RNGTT: variants seen among roughly 807,000 people sequenced by gnomAD.
RNGTT encodes mRNA-capping enzyme.
In RNGTT, 33 loss-of-function variants were observed where a neutral mutation model predicts 79.3. The ratio of observed to expected loss-of-function variants is 0.42; its 90% CI spans 0.32 to 0.56. The LOEUF (loss-of-function observed/expected upper bound fraction) is 0.56. Among genes scored for constraint, RNGTT ranks in the 20% least tolerant of loss-of-function variants. The probability of loss-of-function intolerance (pLI) is 0.17; values close to 1 mark genes in which losing one functional copy is unlikely to be tolerated. For synonymous variants in RNGTT, 222 were observed against 235.9 expected (o/e 0.94, Z 0.54); for missense variants, 497 against 739.1 (o/e 0.67, Z 3.80).
At chr6:88,724,093 T>C (rs1776802958) in intron 13 of RNGTT, among the ~76,000 whole-genome samples, 1 of 152,206 alleles carries the variant, frequency 6.6e-6, no homozygotes, top group African/African-American at 2.4e-5. Context: ...CCTAAAAGTT[T>C]GTAAAGTAAA....
chr6:88,686,995 CA>C (rs1477838614), intron 13 of RNGTT, among the ~76,000 whole-genome samples: 1 of 151,030 alleles, frequency 6.6e-6, no homozygotes, highest in East Asian at 1.9e-4. Context: ...AATGGCATGG[CA>C]AAAAAACACC....
chr6:88,960,254 A>G (rs992644167), intron 1 of RNGTT, among the ~76,000 whole-genome samples: 3 of 152,250 alleles, frequency 2.0e-5, no homozygotes, highest in African/African-American at 4.8e-5. Context: ...AGACATTTAA[A>G]TATTTGCTAA....
intron 11 of RNGTT, among the ~76,000 whole-genome samples, chr6:88,807,248 T>A (rs1025323447): frequency 6.6e-6 from 1 of 152,106 alleles, no homozygotes; most frequent in African/African-American, 2.4e-5. Context: ...ACTTAAAAGT[T>A]GATAAAACAA....
At chr6:88,882,829 A>G (rs559588138) in intron 8 of RNGTT, among the ~76,000 whole-genome samples, 1 of 152,288 alleles carries the variant, frequency 6.6e-6, no homozygotes, top group East Asian at 1.9e-4. Flanking sequence ...ATCATTTTGG[A>G]AACAAAGAGC....
chr6:88,671,768 T>C (rs2127786827), intron 14 of RNGTT, among the ~76,000 whole-genome samples: 1 of 152,222 alleles, frequency 6.6e-6, no homozygotes, highest in African/African-American at 2.4e-5. Flanking sequence ...GGTAGACCAA[T>C]GGAACAGAAC....
intron 14 of RNGTT, among the ~76,000 whole-genome samples, chr6:88,637,893 A>G (rs1416708032): frequency 1.3e-5 from 2 of 152,140 alleles, no homozygotes; most frequent in African/African-American, 4.8e-5. Context: ...AAGTAATTCT[A>G]AGAAGTGCAT....
chr6:88,792,157 T>C (rs1301530614), intron 12 of RNGTT, among the ~76,000 whole-genome samples: 2 of 152,190 alleles, frequency 1.3e-5, no homozygotes, highest in Non-Finnish European at 1.5e-5. Flanking sequence ...TTTCTCCTTA[T>C]AATCTGAAAG....
At chr6:88,944,637 T>A (rs1409396941) in intron 1 of RNGTT, among the ~76,000 whole-genome samples, 1 of 151,832 alleles carries the variant, frequency 6.6e-6, no homozygotes, top group African/African-American at 2.4e-5. Context: ...CTCTCCCTTA[T>A]CCCCCAACTT....
At chr6:88,850,610 A>AC (rs1781640462) in intron 9 of RNGTT, among the ~76,000 whole-genome samples, 1 of 151,304 alleles carries the variant, frequency 6.6e-6, no homozygotes, top group Admixed American at 6.6e-5. Context: ...TACAAAAAAA[A>AC]CACACTGATT....
At chr6:88,632,013 T>A (rs6926439) in intron 14 of RNGTT, among the ~76,000 whole-genome samples, 1 of 151,886 alleles carries the variant, frequency 6.6e-6, no homozygotes, top group Admixed American at 6.6e-5. Context: ...CAAGCTAGAG[T>A]GGTGTGGGAC....
At chr6:88,619,285 C>T (rs1292422464) in intron 14 of RNGTT, among the ~76,000 whole-genome samples, 5 of 152,246 alleles carry the variant, frequency 3.3e-5, no homozygotes, top group African/African-American at 1.2e-4. Flanking sequence ...CCCGCCTCAG[C>T]CTCCCAAGCA....
At chr6:88,948,502 C>T (rs111483360) in intron 1 of RNGTT, among the ~76,000 whole-genome samples, 1 of 145,744 alleles carries the variant, frequency 6.9e-6, no homozygotes, top group South Asian at 2.2e-4. Flanking sequence ...GGGTCAGCCC[C>T]CCGCCCGGCC....
At chr6:88,763,642 A>G (rs1211386017) in intron 13 of RNGTT, among the ~76,000 whole-genome samples, 1 of 152,214 alleles carries the variant, frequency 6.6e-6, no homozygotes, top group Non-Finnish European at 1.5e-5. Flanking sequence ...AGAGTGATAA[A>G]GAGGAAGTAT....
intron 11 of RNGTT, among the ~76,000 whole-genome samples, chr6:88,803,061 A>C (rs1779839596): frequency 6.6e-6 from 1 of 152,252 alleles, no homozygotes; most frequent in African/African-American, 2.4e-5. Context: ...TTCACTTGCA[A>C]CAAAAATCTG....
At chr6:88,863,510 T>C (rs2127915223) in intron 8 of RNGTT, among the ~76,000 whole-genome samples, 1 of 152,288 alleles carries the variant, frequency 6.6e-6, no homozygotes, top group East Asian at 1.9e-4. Flanking sequence ...AATCAAAAAA[T>C]CTCAAGCCTT....
chr6:88,838,083 C>T (rs1781141965), intron 11 of RNGTT, among the ~76,000 whole-genome samples: 9 of 152,086 alleles, frequency 5.9e-5, no homozygotes, highest in Admixed American at 5.2e-4. Context: ...GATTGTATGT[C>T]AAAATTATCA....
intron 12 of RNGTT, among the ~76,000 whole-genome samples, chr6:88,771,670 T>G (rs1199410692): frequency 6.6e-6 from 1 of 152,072 alleles, no homozygotes; most frequent in African/African-American, 2.4e-5. Context: ...AATTTTCTGA[T>G]TCATAAACAC....
Position 88,612,412 on chromosome 6 carries a change from GGCCTCTTTTTC to G in RNGTT, c.*296_*306del. ...TGTGAAGCTACCCATATATAAACAA[GGCCTCTTTTTC>G]ATTGATTTCCATCTTGTTTAAACCT... On this transcript the variant is annotated 3_prime_UTR_variant, in exon 16 of 16. Coordinates refer to ENST00000369485, the MANE Select transcript of RNGTT (RefSeq NM_003800.5). 4.9e-6 allele frequency: 1 copy of G among 205,418 alleles called. No individual in the cohort carries two copies. The highest frequency in any genetic ancestry group is 9.7e-6 in the Non-Finnish European group (1 of 102,876). 12.7% of individuals were successfully genotyped at this position (205,418 alleles called of 1,614,324 possible).
intron 2 of RNGTT, among the ~76,000 whole-genome samples, chr6:88,934,242 G>T (rs1445529623): frequency 1.3e-5 from 2 of 152,084 alleles, no homozygotes; most frequent in Admixed American, 6.6e-5. Flanking sequence ...ATGTTATCAA[G>T]GCTGGTCTCA....
Sources: allele counts gnomAD v4.1 joint callset (sites outside exome capture counted in the v4.1 genomes callset), GRCh38; gene constraint gnomAD v4.1.1; transcripts MANE v1.5; gene names NCBI Gene and HGNC (gene_info 2026-07-23, HGNC 2026-07-21).